The following GOLGA8M variants were observed in gnomAD, a reference collection of about 807,000 sequenced individuals.
The protein encoded by GOLGA8M is golgin subfamily A member 8M.
A neutral mutation model predicts 87.7 loss-of-function variants in GOLGA8M; 34 were observed. That is an observed-to-expected ratio of 0.39 (90% confidence interval 0.29 to 0.52). GOLGA8M has a LOEUF of 0.52. Among genes scored for constraint, GOLGA8M ranks in the 20% least tolerant of loss-of-function variants. The probability of loss-of-function intolerance (pLI) is 0.80; values close to 1 mark genes in which losing one functional copy is unlikely to be tolerated. For missense variants in GOLGA8M, 396 were observed against 682.2 expected, an observed-to-expected ratio of 0.58 and a Z score of 4.67; for synonymous variants, 138 against 250.2, an observed-to-expected ratio of 0.55 and a Z score of 4.23.
In GOLGA8M at chr15:28,702,224, G is replaced by T; in HGVS notation, c.1713C>A (p.Asp571Glu). The change falls in exon 18 of 19, where the codon GAC becomes GAA. Residue 571 changes from aspartate to glutamate, a missense_variant. Asp to Glu is a conservative substitution (Grantham distance 45). Around this residue, in one of 12 missense-constraint regions of GOLGA8M, gnomAD observed 173 missense variants for 150.2 expected, o/e 1.15. Transcript: ENST00000563027. ...GAGGGCTGTACTCACCACCATGCTT[G>T]TCTGCAGCCCCAAGCTCCTGGGGAG... ...APAPQELGAADKHGDLCEVSL... is the reference protein window; with the variant it reads ...APAPQELGAAEKHGDLCEVSL... 6 of 1,590,402 alleles carry T rather than the reference G, an allele frequency of 3.8e-6. No individual in the cohort carries two copies. Among genetic ancestry groups the T allele is most frequent in the Middle Eastern group, 4.5e-4 (2 of 4,492 alleles).
intron 4 of GOLGA8M, among the ~76,000 whole-genome samples, chr15:28,708,652 C>G (rs929770986): frequency 4.7e-5 from 7 of 150,052 alleles, no homozygotes; most frequent in South Asian, 2.1e-4. Flanking sequence ...GAGAGGACAG[C>G]AACATAAACC....
rs576118690 is a variant in GOLGA8M, at chr15:28,708,028, G to T, written c.406C>A (p.Gln136Lys). The T allele has an allele frequency of 2.3e-3, 3,671 of 1,592,070 alleles. 136 individuals carry two copies. The highest frequency in any genetic ancestry group is 2.7e-3 in the Non-Finnish European group (3,222 of 1,177,200). The change falls in exon 7 of 19, where the codon CAG becomes AAG. Residue 136 changes from glutamine (Q) to lysine (K), a missense_variant. This residue lies in a region of GOLGA8M where 80 missense variants were observed against 119.9 expected (regional missense o/e 0.67). Transcript: ENST00000563027. ...KAKRVLEVQL[Q>K]TLNIQKEELN... ...TCCTCTTTCTGTATGTTCAATGTCT[G>T]GAGTTGAACCTTTGGGAGAAAAGCC...
chr15:28,707,005 C>G (rs1424108854), intron 8 of GOLGA8M, among the ~76,000 whole-genome samples: 5 of 141,290 alleles, frequency 3.5e-5, no homozygotes, highest in Non-Finnish European at 7.4e-5. Context: ...GCTAACAATC[C>G]CATTTAATCC....
chr15:28,705,101 G>C, intron 13 of GOLGA8M, 58 bp downstream of exon 13: 1 of 1,591,900 alleles, frequency 6.3e-7, no homozygotes, highest in Non-Finnish European at 8.5e-7. Flanking sequence ...CCTCCCCAGA[G>C]GCTGCTGCCC....
chr15:28,702,512 G>C lies in GOLGA8M; in HGVS notation c.1520C>G (p.Ala507Gly). Residue 507 changes from alanine to glycine, a missense_variant, in exon 17 of 19, where the codon GCA (alanine) becomes GGA (glycine). Ala to Gly is a moderately conservative substitution (Grantham distance 60). Transcript: ENST00000563027. ...AGCCTGATGGTGTCCTCCTCCCAGT[G>C]CCGCATCTTTGGCACGGCCCCCTGG... Reference protein sequence around the residue: ...SEPGGRAKDAALGGGHHQAGA... With the variant: ...SEPGGRAKDAGLGGGHHQAGA... The C allele has an allele frequency of 6.3e-7, 1 of 1,594,976 alleles. No homozygotes were observed. Among genetic ancestry groups the C allele is most frequent in the South Asian group, 1.1e-5 (1 of 90,696 alleles).
rs934597992 is a variant in GOLGA8M, at chr15:28,701,226, A to G, written c.*728T>C. 6.6e-6 allele frequency among the ~76,000 whole-genome samples: 1 copy of G among 152,104 alleles called. No homozygotes were observed. Among genetic ancestry groups the G allele is most frequent in the African/African-American group, 2.4e-5 (1 of 41,448 alleles). Reference sequence around the variant, plus strand: ...CAGAGCACATACAAATCCTAAGGGCACCACCATAATACACCGCTAATTCCT... The same window carrying G: ...CAGAGCACATACAAATCCTAAGGGCGCCACCATAATACACCGCTAATTCCT... On this transcript the variant is annotated 3_prime_UTR_variant, in exon 19 of 19. Transcript: ENST00000563027.
chr15:28,708,102 G>A, intron 6 of GOLGA8M, 24 bp downstream of exon 6: 2 of 1,604,774 alleles, frequency 1.2e-6, no homozygotes, highest in Non-Finnish European at 1.7e-6. Context: ...GAGGACAGGA[G>A]GAAACTGCAC....
chr15:28,702,606 C>T (rs1327331288), intron 16 of GOLGA8M, 39 bp downstream of exon 16: 2 of 1,610,114 alleles, frequency 1.2e-6, no homozygotes, highest in African/African-American at 1.3e-5. Flanking sequence ...CTCCGACGGT[C>T]CTGCAGCTCC....
intron 8 of GOLGA8M, among the ~76,000 whole-genome samples, chr15:28,707,309 A>C (rs1164224118): frequency 2.8e-4 from 39 of 137,510 alleles, no homozygotes; most frequent in African/African-American, 1.1e-3. Context: ...TCTCTCCTGA[A>C]TTTTTTATGA....
In GOLGA8M at chr15:28,701,333, AG is replaced by A. The variant is rs2079780325; in HGVS notation, c.*620del. Among the ~76,000 whole-genome samples, 1 of 151,616 alleles carries A rather than the reference AG, an allele frequency of 6.6e-6. No homozygotes were observed. Among genetic ancestry groups the A allele is most frequent in the Admixed American group, 6.6e-5 (1 of 15,182 alleles). ...CTTTCCTCTTCTGTGAGATTTAAAA[AG>A]CTCCCCCAAAAGGTTTCACTCCCAT... On this transcript the variant is annotated 3_prime_UTR_variant, in exon 19 of 19. Coordinates refer to ENST00000563027, the MANE Select transcript of GOLGA8M (RefSeq NM_001282468.3).
At chr15:28,702,909 T>C (rs892523364) in intron 15 of GOLGA8M, 164 bp from the exon 16 acceptor site, 1 of 969,834 alleles carries the variant, frequency 1.0e-6, no homozygotes, top group African/African-American at 1.9e-5. Context: ...CCCCAGGCCC[T>C]GGGGCTGCAG....
chr15:28,713,167 A>G (rs918759518), upstream of GOLGA8M, among the ~76,000 whole-genome samples: 4 of 151,122 alleles, frequency 2.6e-5, no homozygotes, highest in African/African-American at 7.3e-5. Flanking sequence ...GTGAAACCCC[A>G]TCTCTACTAA....
rs1044991398 is a variant in GOLGA8M at position 28,702,740 on chromosome 15, G to C, written c.1374C>G (p.Ser458Arg). ...EDPESREAMS[S>R]FMDHLEEKAD... is the part of the protein sequence containing the mutation. ...CCTTCTCCTCCAGGTGGTCCATAAA[G>C]CTGCTCTGGAGCCAAAATATTGCAG... Residue 458 changes from serine (S) to arginine (R), a missense_variant, in exon 16 of 19, where the codon AGC becomes AGG. By Grantham distance (110) the Ser-to-Arg change is moderately radical (BLOSUM62 -1). Transcript: ENST00000563027. 1.3e-5 allele frequency: 21 copies of C among 1,600,266 alleles called. No homozygotes were observed. Among genetic ancestry groups the C allele is most frequent in the South Asian group, 3.3e-5 (3 of 90,940 alleles).
chr15:28,712,168 G>A (rs2080215233), intron 1 of GOLGA8M, 108 bp downstream of exon 1: 2 of 1,537,452 alleles, frequency 1.3e-6, no homozygotes, highest in African/African-American at 1.4e-5. Context: ...CCGGGGTTGG[G>A]GGGACCAGTC....
chr15:28,705,812 C>T, intron 11 of GOLGA8M, 73 bp from the exon 12 acceptor site: 1 of 1,444,396 alleles, frequency 6.9e-7, no homozygotes, highest in Non-Finnish European at 9.3e-7. Context: ...GCGCACAGCT[C>T]CTCTCAGGCT....
At chr15:28,702,999 A>C (rs2079862073) in intron 15 of GOLGA8M, 2 of 960,202 alleles carry the variant, frequency 2.1e-6, no homozygotes, top group Non-Finnish European at 1.2e-6. Flanking sequence ...CTGCTCTTTC[A>C]CCTGCTCTTG....
In GOLGA8M at chr15:28,701,300, G is replaced by C. The variant is rs2079779419; in HGVS notation, c.*654C>G. ...CTCTATCCTGCACATACCTGCCAGA[G>C]GAAGCCACTTTCCTCTTCTGTGAGA... On this transcript the variant is annotated 3_prime_UTR_variant, in exon 19 of 19. Coordinates refer to ENST00000563027, the MANE Select transcript of GOLGA8M (RefSeq NM_001282468.3). Among the ~76,000 whole-genome samples the C allele has an allele frequency of 6.6e-6, 1 of 151,270 alleles. No homozygotes were observed. Among genetic ancestry groups the C allele is most frequent in the Admixed American group, 6.6e-5 (1 of 15,140 alleles).
Position 28,706,709 on chromosome 15 carries a change from A to G in GOLGA8M, c.592-10T>C, listed in dbSNP as rs1015729000. 1.3e-4 allele frequency: 193 copies of G among 1,436,272 alleles called. 1 individual carries two copies. The East Asian group carries it at 1.9e-3, about 14-fold the overall frequency. The allele number at this position is 1,436,272 out of a possible 1,614,324, so 89.0% of individuals were successfully genotyped here. On this transcript the variant is annotated splice_polypyrimidine_tract_variant and intron_variant, in intron 8 of 18. Transcript: ENST00000563027. ...TACTGGGGCTGGACAACTGGATGGC[A>G]AAGAGTGAGAAGTTTCAATCTGGAG...
In GOLGA8M at chr15:28,705,156, C is replaced by T; in HGVS notation, c.1200+3G>A. ...ATGGGGTGGAGGTTTCCGACTCCTT[C>T]ACCTCGCCAAGCTTCTCCTGTAGCT... On this transcript the variant is annotated splice_donor_region_variant and intron_variant, in intron 13 of 18. Transcript: ENST00000563027. 1 of 1,598,436 alleles carries T rather than the reference C, an allele frequency of 6.3e-7. No individual in the cohort carries two copies. Among genetic ancestry groups the T allele is most frequent in the Non-Finnish European group, 8.5e-7 (1 of 1,179,776 alleles).
Sources: allele counts gnomAD v4.1 joint callset (sites outside exome capture counted in the v4.1 genomes callset), GRCh38; gene constraint gnomAD v4.1.1; regional missense constraint gnomAD v4.1.1; transcripts MANE v1.5; gene names NCBI Gene and HGNC (gene_info 2026-07-23, HGNC 2026-07-21).